LYPLAL1: variants seen among roughly 807,000 people sequenced by gnomAD.
LYPLAL1 encodes lysophospholipase like 1, also known as lysophospholipase-like protein 1.
A neutral mutation model predicts 19.7 loss-of-function variants in LYPLAL1; 23 were observed. The observed-to-expected ratio is 1.17, with a 90% CI of 0.84 to 1.65. The LOEUF (loss-of-function observed/expected upper bound fraction) is 1.65, where lower values mean the gene tolerates loss of function less well. LYPLAL1 is among the 40% of genes most tolerant of loss of function. LYPLAL1 has a pLI of 0.00. For synonymous variants in LYPLAL1, 119 were observed against 96.3 expected (o/e 1.24, Z -1.38); for missense variants, 355 against 279.4 (o/e 1.27, Z -1.93).
the LYPLAL1 span, among the ~76,000 whole-genome samples, chr1:219,330,177 G>A: frequency 3.9e-5 from 6 of 152,278 alleles, no homozygotes; most frequent in South Asian, 1.2e-3. Flanking sequence ...TGCATTTTAA[G>A]TAACCACTTT....
chr1:219,305,747 A>C, the LYPLAL1 span, among the ~76,000 whole-genome samples: 1 of 152,176 alleles, frequency 6.6e-6, no homozygotes, highest in Non-Finnish European at 1.5e-5. Flanking sequence ...GAGAATATGA[A>C]AGAAATACAA....
chr1:219,442,735 CTG>C, the LYPLAL1 span: 1 of 152,144 alleles, frequency 6.6e-6, no homozygotes, highest in Non-Finnish European at 1.5e-5. Flanking sequence ...GGAAGGAGCT[CTG>C]TGTCATAAAA....
At chr1:219,266,165 CTT>C in the LYPLAL1 span, among the ~76,000 whole-genome samples, 9 of 151,824 alleles carry the variant, frequency 5.9e-5, no homozygotes, top group Non-Finnish European at 1.3e-4. Flanking sequence ...ATTTTTGACT[CTT>C]TTGTAATGAC....
chr1:219,310,732 G>A, the LYPLAL1 span, among the ~76,000 whole-genome samples: 1,152 of 152,312 alleles, frequency 7.6e-3, 50 homozygotes, highest in East Asian at 0.094. Flanking sequence ...TTTCATGAGT[G>A]TATATCCCTT....
chr1:219,228,752 T>C, the LYPLAL1 span, among the ~76,000 whole-genome samples: 1 of 152,038 alleles, frequency 6.6e-6, no homozygotes, highest in Admixed American at 6.6e-5. Context: ...CGATCTTGGC[T>C]CACCACAACC....
chr1:219,226,959 C>T, the LYPLAL1 span, among the ~76,000 whole-genome samples: 3 of 152,256 alleles, frequency 2.0e-5, no homozygotes, highest in East Asian at 5.8e-4. Flanking sequence ...TGTGTTATAA[C>T]AACCAGGCAA....
chr1:219,329,012 G>A, the LYPLAL1 span, among the ~76,000 whole-genome samples: 1 of 151,658 alleles, frequency 6.6e-6, no homozygotes, highest in African/African-American at 2.4e-5. Flanking sequence ...CCTTTTTGGA[G>A]CAAAGCAGAA....
At chr1:219,397,845 G>T in the LYPLAL1 span, among the ~76,000 whole-genome samples, 1 of 152,124 alleles carries the variant, frequency 6.6e-6, no homozygotes, top group African/African-American at 2.4e-5. Context: ...ATTCTGGCTC[G>T]TTTTTTCTTC....
the LYPLAL1 span, among the ~76,000 whole-genome samples, chr1:219,293,777 A>T: frequency 6.6e-6 from 1 of 152,258 alleles, no homozygotes; most frequent in Non-Finnish European, 1.5e-5. Flanking sequence ...TATCCAGAAT[A>T]GAATTAATGT....
At chr1:219,420,586 G>A in the LYPLAL1 span, among the ~76,000 whole-genome samples, 1 of 152,242 alleles carries the variant, frequency 6.6e-6, no homozygotes, top group Admixed American at 6.5e-5. Flanking sequence ...CCCATGAGCA[G>A]CGTACACATA....
At chr1:219,378,837 T>A in the LYPLAL1 span, among the ~76,000 whole-genome samples, 2 of 152,120 alleles carry the variant, frequency 1.3e-5, no homozygotes, top group African/African-American at 4.8e-5. Context: ...AGACAATATA[T>A]TTTTAATTGG....
chr1:219,412,464 A>G, the LYPLAL1 span, among the ~76,000 whole-genome samples: 5 of 152,250 alleles, frequency 3.3e-5, no homozygotes, highest in Admixed American at 6.5e-5. Context: ...AGTAGAAACT[A>G]TAGTGTGTAC....
the LYPLAL1 span, among the ~76,000 whole-genome samples, chr1:219,288,898 A>T: frequency 2.0e-5 from 3 of 152,302 alleles, no homozygotes; most frequent in African/African-American, 7.2e-5. Context: ...AAATTAATTC[A>T]TGCCTCTAAA....
chr1:219,250,419 G>C, the LYPLAL1 span, among the ~76,000 whole-genome samples: 131 of 151,960 alleles, frequency 8.6e-4, no homozygotes, highest in Non-Finnish European at 1.6e-3. Flanking sequence ...AATAAGTCTT[G>C]AGGCCTTGTG....
the LYPLAL1 span, among the ~76,000 whole-genome samples, chr1:219,398,372 A>G: frequency 6.6e-6 from 1 of 152,132 alleles, no homozygotes; most frequent in Non-Finnish European, 1.5e-5. Context: ...TTGTATTATG[A>G]AATTCTTGCC....
At chr1:219,179,311 T>G in intron 2 of LYPLAL1, 65 bp downstream of exon 2, 1 of 1,145,518 alleles carries the variant, frequency 8.7e-7, no homozygotes, top group Non-Finnish European at 1.3e-6. Context: ...TAGAGAGATG[T>G]GCCAGCTAGG....
At chr1:219,249,763 TTTAA>T in the LYPLAL1 span, among the ~76,000 whole-genome samples, 1 of 152,036 alleles carries the variant, frequency 6.6e-6, no homozygotes, top group Non-Finnish European at 1.5e-5. Context: ...TGCACTGTGC[TTTAA>T]TTAACATTTC....
chr1:219,410,225 T>C, the LYPLAL1 span: 2 of 152,210 alleles, frequency 1.3e-5, no homozygotes, highest in African/African-American at 2.4e-5. Context: ...ACATACATCT[T>C]CACTGGAAAA....
the LYPLAL1 span, among the ~76,000 whole-genome samples, chr1:219,348,081 T>TA: frequency 6.6e-6 from 1 of 152,238 alleles, no homozygotes; most frequent in African/African-American, 2.4e-5. Flanking sequence ...TGAGCACTGC[T>TA]AACCTGGCCA....
Sources: gnomAD v4.1 joint callset for allele counts (sites outside exome capture counted in the v4.1 genomes callset) on GRCh38, gnomAD v4.1.1 for gene constraint, MANE v1.5 for transcripts, NCBI Gene and HGNC (gene_info 2026-07-23, HGNC 2026-07-21) for gene names.